DOK6: variants seen among roughly 807,000 people sequenced by gnomAD.
DOK6 encodes docking protein 6, also known as downstream of tyrosine kinase 6.
Under a neutral mutation model 44.0 loss-of-function variants are expected in DOK6, and 22 were observed. That is an observed-to-expected ratio of 0.50 (90% CI 0.36 to 0.71). DOK6 has a LOEUF of 0.71. Ranked by LOEUF, DOK6 falls within the 30% of genes least tolerant of loss-of-function variation. The probability of loss-of-function intolerance (pLI) is 0.00; values close to 1 mark genes in which losing one functional copy is unlikely to be tolerated. For missense variants in DOK6, 340 were observed against 416.4 expected, an observed-to-expected ratio of 0.82 and a Z score of 1.60; for synonymous variants, 166 against 145.5, an observed-to-expected ratio of 1.14 and a Z score of -1.01.
chr18:69,754,025 T>C (rs985571135), intron 6 of DOK6, among the ~76,000 whole-genome samples: 1 of 152,196 alleles, frequency 6.6e-6, no homozygotes, highest in Non-Finnish European at 1.5e-5. Context: ...TATACATACT[T>C]TTATGGTCCT....
At chr18:69,665,251 A>G (rs1005323379) in intron 3 of DOK6, among the ~76,000 whole-genome samples, 1 of 151,958 alleles carries the variant, frequency 6.6e-6, no homozygotes, top group East Asian at 1.9e-4. Flanking sequence ...TCCAGTCATG[A>G]CTCCAGGATT....
chr18:69,707,597 G>T (rs963247832), intron 5 of DOK6, among the ~76,000 whole-genome samples: 6 of 152,118 alleles, frequency 3.9e-5, no homozygotes, highest in Non-Finnish European at 8.8e-5. Flanking sequence ...CAAAGTCTCC[G>T]TGGTTTATGC....
intron 5 of DOK6, among the ~76,000 whole-genome samples, chr18:69,722,354 A>G (rs1388571237): frequency 6.6e-6 from 1 of 152,192 alleles, no homozygotes; most frequent in Non-Finnish European, 1.5e-5. Context: ...CATCCTCATT[A>G]AGTGTAAGCC....
chr18:69,612,217 T>TTAAAA (rs1555716958), intron 3 of DOK6, among the ~76,000 whole-genome samples: 1 of 149,904 alleles, frequency 6.7e-6, no homozygotes, highest in Non-Finnish European at 1.5e-5. Flanking sequence ...ATATTTAAGT[T>TTAAAA]AAAAAAAACC....
At chr18:69,707,915 T>G (rs1449880377) in intron 5 of DOK6, among the ~76,000 whole-genome samples, 1 of 152,094 alleles carries the variant, frequency 6.6e-6, no homozygotes, top group Non-Finnish European at 1.5e-5. Flanking sequence ...AAATATGAGT[T>G]GGACTTCTTT....
chr18:69,700,080 A>G (rs1013553761), intron 5 of DOK6, among the ~76,000 whole-genome samples: 4 of 151,990 alleles, frequency 2.6e-5, no homozygotes, highest in Non-Finnish European at 5.9e-5. Context: ...ACAGCATGGG[A>G]GGAACTGCCC....
At chr18:69,535,251 T>C (rs184395638) in intron 1 of DOK6, among the ~76,000 whole-genome samples, 1 of 152,244 alleles carries the variant, frequency 6.6e-6, no homozygotes, top group Admixed American at 6.5e-5. Flanking sequence ...TAATAGTTTT[T>C]CTTATATTTA....
At chr18:69,802,278 T>G (rs1201085508) in intron 7 of DOK6, among the ~76,000 whole-genome samples, 2 of 152,136 alleles carry the variant, frequency 1.3e-5, no homozygotes, top group East Asian at 3.8e-4. Flanking sequence ...TGGTTCAACT[T>G]GAAGATTTTT....
At chr18:69,627,727 GGCGTGACCACCATGCCTGGCCT>G (rs1337022475) in intron 3 of DOK6, among the ~76,000 whole-genome samples, 1 of 152,174 alleles carries the variant, frequency 6.6e-6, no homozygotes, top group Admixed American at 6.5e-5. Context: ...GGGATTTACA[GGCGTGACCACCATGCCTGGCCT>G]CACCTTCCTA....
intron 2 of DOK6, among the ~76,000 whole-genome samples, chr18:69,582,214 A>T (rs1983386611): frequency 6.6e-6 from 1 of 152,210 alleles, no homozygotes; most frequent in Admixed American, 6.5e-5. Context: ...CTGTGTTCTG[A>T]TATAACTTTA....
chr18:69,744,514 A>AATT (rs1262089748), intron 6 of DOK6, among the ~76,000 whole-genome samples: 1 of 152,134 alleles, frequency 6.6e-6, no homozygotes, highest in African/African-American at 2.4e-5. Flanking sequence ...AATTAGAACA[A>AATT]ATTATTATGG....
At chr18:69,835,435 A>T (rs1982021964) in intron 7 of DOK6, among the ~76,000 whole-genome samples, 1 of 151,812 alleles carries the variant, frequency 6.6e-6, no homozygotes, top group African/African-American at 2.4e-5. Flanking sequence ...ACTGCACTCC[A>T]GCCTGGGCGA....
chr18:69,685,880 G>A (rs776503883), intron 4 of DOK6, among the ~76,000 whole-genome samples: 2 of 152,046 alleles, frequency 1.3e-5, no homozygotes, highest in African/African-American at 2.4e-5. Flanking sequence ...TCTTTTCTTA[G>A]TCGGCATCAC....
chr18:69,623,235 A>C (rs1369112576), intron 3 of DOK6, among the ~76,000 whole-genome samples: 2 of 152,264 alleles, frequency 1.3e-5, no homozygotes, highest in East Asian at 3.9e-4. Flanking sequence ...CAGAAGCAGA[A>C]GCTTGTGTAG....
chr18:69,731,030 C>T (rs920868357), intron 5 of DOK6, among the ~76,000 whole-genome samples: 1 of 152,086 alleles, frequency 6.6e-6, no homozygotes, highest in South Asian at 2.1e-4. Flanking sequence ...TCAGTATTTG[C>T]CCCGAGTATC....
chr18:69,790,378 C>T (rs911294286), intron 7 of DOK6, among the ~76,000 whole-genome samples: 1 of 152,024 alleles, frequency 6.6e-6, no homozygotes, highest in African/African-American at 2.4e-5. Context: ...ACGTGTATAC[C>T]TTTGTAACAG....
intron 3 of DOK6, among the ~76,000 whole-genome samples, chr18:69,676,701 C>T (rs181827516): frequency 1.3e-5 from 2 of 152,126 alleles, no homozygotes; most frequent in South Asian, 2.1e-4. Flanking sequence ...ACCTGAGACC[C>T]CTTTTCAAAT....
chr18:69,401,088 C>A lies in DOK6; in HGVS notation c.-157C>A, dbSNP rs1419909205. On this transcript the variant is annotated 5_prime_UTR_variant, in exon 1 of 8. Coordinates refer to ENST00000382713, the MANE Select transcript of DOK6 (RefSeq NM_152721.6). Reference sequence around the variant, plus strand: ...TCCGCGGCGGCCCTGCAGGCGACCCCGCGTCCCCACCGGCGGGAGCTCGGG... The same window carrying A: ...TCCGCGGCGGCCCTGCAGGCGACCCAGCGTCCCCACCGGCGGGAGCTCGGG... The A allele has an allele frequency of 5.1e-6, 3 of 583,218 alleles. No homozygotes were observed. Among genetic ancestry groups the A allele is most frequent in the Middle Eastern group, 1.2e-3 (2 of 1,620 alleles). The allele number at this position is 583,218 out of a possible 1,614,324, so 36.1% of individuals were successfully genotyped here.
chr18:69,544,718 C>T (rs564488828), intron 1 of DOK6, among the ~76,000 whole-genome samples: 2 of 151,596 alleles, frequency 1.3e-5, no homozygotes, highest in African/African-American at 4.8e-5. Flanking sequence ...ACTGCTCGTA[C>T]ATAGAAATAC....
Sources: gnomAD v4.1 joint callset for allele counts (sites outside exome capture counted in the v4.1 genomes callset) on GRCh38, gnomAD v4.1.1 for gene constraint, MANE v1.5 for transcripts, NCBI Gene and HGNC (gene_info 2026-07-23, HGNC 2026-07-21) for gene names.